Variants in NRXN3 observed in about 807,000 individuals in gnomAD.
NRXN3 encodes the protein neurexin III.
Under a neutral mutation model 137.6 loss-of-function variants are expected in NRXN3, and 32 were observed. The observed-to-expected ratio is 0.23, with a 90% CI of 0.18 to 0.31. NRXN3 has a LOEUF of 0.31. Among genes scored for constraint, NRXN3 ranks in the 10% least tolerant of loss-of-function variants. The pLI, the probability that NRXN3 is intolerant of heterozygous loss-of-function variation, is 1.00. For missense variants in NRXN3, 1,574 were observed against 2,062.5 expected, an observed-to-expected ratio of 0.76 and a Z score of 4.59; for synonymous variants, 798 against 784.5, an observed-to-expected ratio of 1.02 and a Z score of -0.29.
chr14:78,416,572 C>T (rs2093150750), intron 4 of NRXN3, among the ~76,000 whole-genome samples: 1 of 152,214 alleles, frequency 6.6e-6, no homozygotes, highest in Non-Finnish European at 1.5e-5. Context: ...ATCTAAGTCA[C>T]TCCCCATGAG....
chr14:79,027,073 C>T (rs2099599829), intron 15 of NRXN3, among the ~76,000 whole-genome samples: 1 of 146,618 alleles, frequency 6.8e-6, no homozygotes, highest in African/African-American at 2.5e-5. Flanking sequence ...TCCATATATT[C>T]TATTGAAGTT....
chr14:78,203,386 G>A (rs913695372), intron 1 of NRXN3, among the ~76,000 whole-genome samples: 2 of 152,196 alleles, frequency 1.3e-5, no homozygotes, highest in African/African-American at 2.4e-5. Context: ...CATCAGTGAC[G>A]AGTAGCCTGG....
intron 15 of NRXN3, among the ~76,000 whole-genome samples, chr14:79,245,411 G>A (rs1030704592): frequency 1.4e-4 from 21 of 152,024 alleles, no homozygotes; most frequent in African/African-American, 5.1e-4. Context: ...AGAGAGAAGA[G>A]AGGAGTAGGG....
At chr14:78,401,972 A>T (rs1346759263) in intron 4 of NRXN3, among the ~76,000 whole-genome samples, 1 of 152,236 alleles carries the variant, frequency 6.6e-6, no homozygotes. Flanking sequence ...CAGCTTTAAA[A>T]AGGGAATTAT....
chr14:78,509,520 C>T (rs934818579), intron 4 of NRXN3, among the ~76,000 whole-genome samples: 4 of 152,050 alleles, frequency 2.6e-5, no homozygotes, highest in African/African-American at 7.2e-5. Flanking sequence ...TGGAACTCTG[C>T]GATTTGGCCC....
intron 3 of NRXN3, chr14:78,282,317 G>A: frequency 2.7e-6 from 1 of 373,466 alleles, no homozygotes; most frequent in East Asian, 7.4e-5. Flanking sequence ...GAAGAGTAGT[G>A]GGTTAGAGCA....
intron 14 of NRXN3, among the ~76,000 whole-genome samples, chr14:78,981,857 A>G (rs1293521773): frequency 6.6e-6 from 1 of 152,226 alleles, no homozygotes; most frequent in Non-Finnish European, 1.5e-5. Context: ...AAATGCATAC[A>G]TTAAATACAT....
At chr14:79,777,537 T>C (rs2099100786) in intron 19 of NRXN3, among the ~76,000 whole-genome samples, 1 of 151,606 alleles carries the variant, frequency 6.6e-6, no homozygotes, top group Non-Finnish European at 1.5e-5. Context: ...TAAAGTAATA[T>C]AGAAGATGAA....
At chr14:79,650,855 T>G (rs932726603) in intron 16 of NRXN3, among the ~76,000 whole-genome samples, 7 of 152,164 alleles carry the variant, frequency 4.6e-5, no homozygotes, top group African/African-American at 1.7e-4. Context: ...TGGATGGTGG[T>G]TGAAGTACAG....
At position 78,992,044 on chromosome 14, in the gene NRXN3, A is replaced by G. The variant is rs139807136; in HGVS notation, c.3262+3903A>G. On this transcript the variant is annotated intron_variant, in intron 15 of 20. Transcript: ENST00000335750. ...TCTTGTATAAGAGTGACTCCCTTGTATGGGGTTAGGAAACAAAAATCCTCT... is the reference window on the plus strand; with the variant it reads ...TCTTGTATAAGAGTGACTCCCTTGTGTGGGGTTAGGAAACAAAAATCCTCT... Among the ~76,000 whole-genome samples the G allele has an allele frequency of 1.1e-4, 16 of 152,314 alleles. No individual in the cohort carries two copies. In the East Asian group the frequency reaches 3.1e-3, roughly 29 times the overall value.
intron 19 of NRXN3, among the ~76,000 whole-genome samples, chr14:79,732,877 T>A (rs1322428274): frequency 6.6e-6 from 1 of 152,190 alleles, no homozygotes; most frequent in Admixed American, 6.5e-5. Context: ...ATTTATACAG[T>A]ATTAATGTGA....
chr14:78,196,421 G>A (rs1461124981), intron 1 of NRXN3, among the ~76,000 whole-genome samples: 1 of 152,210 alleles, frequency 6.6e-6, no homozygotes, highest in Non-Finnish European at 1.5e-5. Flanking sequence ...GTGATGAAAA[G>A]TATAATCTCC....
chr14:79,528,432 GAT>G (rs1362648518), intron 16 of NRXN3, among the ~76,000 whole-genome samples: 5 of 152,234 alleles, frequency 3.3e-5, no homozygotes, highest in African/African-American at 1.2e-4. Flanking sequence ...TACATCAACA[GAT>G]GTTTGTAAAA....
chr14:79,203,739 C>T, intron 15 of NRXN3, among the ~76,000 whole-genome samples: 1 of 152,154 alleles, frequency 6.6e-6, no homozygotes, highest in East Asian at 1.9e-4. Flanking sequence ...GCAGAGATAA[C>T]AACAGGTACC....
At chr14:78,983,193 G>A (rs2099493984) in intron 14 of NRXN3, among the ~76,000 whole-genome samples, 1 of 152,164 alleles carries the variant, frequency 6.6e-6, no homozygotes, top group Non-Finnish European at 1.5e-5. Flanking sequence ...TGCATTTTTG[G>A]TGGGAATGTA....
intron 16 of NRXN3, among the ~76,000 whole-genome samples, chr14:79,626,912 G>A (rs547960078): frequency 2.6e-5 from 4 of 152,248 alleles, no homozygotes; most frequent in African/African-American, 4.8e-5. Context: ...AGACAGCTAC[G>A]ATTAATATAT....
intron 2 of NRXN3, among the ~76,000 whole-genome samples, chr14:78,270,850 A>G (rs1409742534): frequency 2.0e-5 from 3 of 152,248 alleles, no homozygotes; most frequent in Non-Finnish European, 4.4e-5. Context: ...GAACATTTTG[A>G]GCATAATAAT....
intron 15 of NRXN3, among the ~76,000 whole-genome samples, chr14:79,047,229 T>C (rs536924939): frequency 6.6e-6 from 1 of 151,942 alleles, no homozygotes; most frequent in African/African-American, 2.4e-5. Context: ...GACTTCTTTA[T>C]GTGAAGTAGT....
intron 15 of NRXN3, among the ~76,000 whole-genome samples, chr14:79,176,559 T>C (rs1353631751): frequency 6.6e-6 from 1 of 152,224 alleles, no homozygotes; most frequent in Admixed American, 6.5e-5. Flanking sequence ...CAACCGGCAC[T>C]CTAGCCATGC....
Sources: allele counts gnomAD v4.1 joint callset (sites outside exome capture counted in the v4.1 genomes callset), GRCh38; gene constraint gnomAD v4.1.1; transcripts MANE v1.5; gene names NCBI Gene and HGNC (gene_info 2026-07-23, HGNC 2026-07-21).